The following FLT1 variants were observed in gnomAD, a reference collection of about 807,000 sequenced individuals.
FLT1 encodes fms related receptor tyrosine kinase 1, also known as vascular endothelial growth factor receptor 1.
FLT1 carries 49 observed loss-of-function variants against 156.3 expected under a neutral mutation model. The observed-to-expected ratio is 0.31, with a 90% confidence interval of 0.25 to 0.40. FLT1 has a LOEUF of 0.40. Among genes scored for constraint, FLT1 ranks in the 10% least tolerant of loss-of-function variants. FLT1 has a pLI of 1.00. For missense variants in FLT1, 1,322 were observed against 1,637.2 expected, an observed-to-expected ratio of 0.81 and a Z score of 3.32; for synonymous variants, 594 against 583.8, an observed-to-expected ratio of 1.02 and a Z score of -0.25.
intron 3 of FLT1, among the ~76,000 whole-genome samples, chr13:28,453,507 T>C (rs749162441): frequency 1.2e-4 from 18 of 152,216 alleles, no homozygotes; most frequent in Non-Finnish European, 2.2e-4. Context: ...TGAAGTCTTT[T>C]GCATGTGTGC....
chr13:28,421,534 C>G, intron 10 of FLT1, among the ~76,000 whole-genome samples: 1 of 151,298 alleles, frequency 6.6e-6, no homozygotes, highest in South Asian at 2.1e-4. Context: ...AGCTGCTGCA[C>G]TTTTTTTTTT....
chr13:28,329,915 T>C (rs775756608), intron 18 of FLT1, among the ~76,000 whole-genome samples, 187 bp from the exon 19 acceptor site: 6 of 152,240 alleles, frequency 3.9e-5, no homozygotes, highest in Non-Finnish European at 8.8e-5. Flanking sequence ...CAACATCCTT[T>C]TGATTACAGT....
chr13:28,428,475 GA>G (rs66872828), intron 8 of FLT1, among the ~76,000 whole-genome samples: 30,255 of 143,716 alleles, frequency 0.21, 3,516 homozygotes, highest in Non-Finnish European at 0.28. Flanking sequence ...TTAAGGCACA[GA>G]AAAAAAAAAA....
rs75529258 is a variant in FLT1 at position 28,352,285 on chromosome 13, G to A, written c.2248+5269C>T. Reference sequence around the variant, plus strand: ...TAACTGTACTTCCTTGTACCTGTAGGATTATTGCAAAACTTGAGTAGGATT... The same window carrying A: ...TAACTGTACTTCCTTGTACCTGTAGAATTATTGCAAAACTTGAGTAGGATT... On this transcript the variant is annotated intron_variant, in intron 15 of 29. Coordinates refer to ENST00000282397, the MANE Select transcript of FLT1 (RefSeq NM_002019.4). Among the ~76,000 whole-genome samples the A allele has an allele frequency of 7.7e-3, 1,167 of 152,224 alleles. 18 individuals are homozygous for A. Among genetic ancestry groups the A allele is most frequent in the African/African-American group, 0.026 (1,071 of 41,512 alleles).
At chr13:28,386,795 A>G (rs752056080) in intron 13 of FLT1, 24 of 1,053,374 alleles carry the variant, frequency 2.3e-5, no homozygotes, top group Non-Finnish European at 2.8e-5. Context: ...GTATCATATT[A>G]TTATTTAGTC....
At chr13:28,353,931 T>C (rs1332105073) in intron 15 of FLT1, among the ~76,000 whole-genome samples, 1 of 152,116 alleles carries the variant, frequency 6.6e-6, no homozygotes, top group Non-Finnish European at 1.5e-5. Context: ...TCAAAGGAAA[T>C]AAAAAGAGCA....
intron 24 of FLT1, among the ~76,000 whole-genome samples, chr13:28,318,591 C>T (rs369852582): frequency 2.6e-5 from 4 of 152,320 alleles, no homozygotes; most frequent in East Asian, 3.9e-4. Context: ...CATCGCAGGA[C>T]CACTGCAGCC....
chr13:28,386,846 A>C (rs1238644192), intron 13 of FLT1: 7 of 1,050,546 alleles, frequency 6.7e-6, no homozygotes, highest in Non-Finnish European at 3.4e-6. Flanking sequence ...ATCTCATTTA[A>C]AACTCAGACC....
chr13:28,405,588 T>C lies in FLT1; in HGVS notation c.1551+192A>G, dbSNP rs1875735751. Among the ~76,000 whole-genome samples the C allele has an allele frequency of 1.3e-5, 2 of 152,220 alleles. 1 individual carries two copies. Among genetic ancestry groups the C allele is most frequent in the Admixed American group, 1.3e-4 (2 of 15,282 alleles). ...CTCTACCATTAGGAATGAGTACTCA[T>C]TATGTTGGAACTGGTAGCTTGAGTA... is the stretch of plus-strand genomic sequence containing the variant. On this transcript the variant is annotated intron_variant, in intron 11 of 29. Coordinates refer to ENST00000282397, the MANE Select transcript of FLT1 (RefSeq NM_002019.4).
chr13:28,319,340 G>A (rs1351757673), intron 24 of FLT1, 83 bp downstream of exon 24: 15 of 902,992 alleles, frequency 1.7e-5, no homozygotes, highest in African/African-American at 1.5e-4. Flanking sequence ...CTAATCTAAA[G>A]GCTGTCTAAC....
At chr13:28,336,507 A>G (rs1405157457) in intron 17 of FLT1, among the ~76,000 whole-genome samples, 1 of 152,082 alleles carries the variant, frequency 6.6e-6, no homozygotes, top group Non-Finnish European at 1.5e-5. Flanking sequence ...GGATATTGGA[A>G]TCTCCTCCAA....
chr13:28,467,046 C>A lies in FLT1; in HGVS notation c.245G>T (p.Gly82Val). ...ERLSITKSAC[G>V]RNGKQFCSTL... ...ACTGCAGAATTGTTTGCCATTTCTT[C>A]CACAGGCAGATTTAGTTATGCTCAG... Residue 82 changes from glycine to valine, a missense_variant, in exon 3 of 30, where the codon GGA (glycine) becomes GTA (valine). Coordinates refer to ENST00000282397, the MANE Select transcript of FLT1 (RefSeq NM_002019.4). 6.2e-7 allele frequency: 1 copy of A among 1,614,158 alleles called. No individual in the cohort carries two copies. Among genetic ancestry groups the A allele is most frequent in the Non-Finnish European group, 8.5e-7 (1 of 1,179,988 alleles).
intron 1 of FLT1, 35 bp downstream of exon 1, chr13:28,494,745 C>A (rs763636078): frequency 1.4e-5 from 21 of 1,525,924 alleles, no homozygotes; most frequent in Non-Finnish European, 1.8e-5. Flanking sequence ...CCCATCGCAG[C>A]CCGCCTCAGG....
At chr13:28,467,657 T>C (rs677186) in intron 1 of FLT1, 40 bp from the exon 2 acceptor site, 91,879 of 1,112,012 alleles carry the variant, frequency 0.083, 7,048 homozygotes, top group African/African-American at 0.37. Flanking sequence ...TTGTAAATTG[T>C]CTTCTTACCT....
At chr13:28,328,313 G>C (rs1043062285) in intron 19 of FLT1, 2 of 152,162 alleles carry the variant, frequency 1.3e-5, no homozygotes, top group African/African-American at 4.8e-5. Context: ...ACCCGACCCC[G>C]GTCTGAAGGA....
chr13:28,306,210 G>A (rs1430254907), intron 29 of FLT1, among the ~76,000 whole-genome samples: 1 of 152,190 alleles, frequency 6.6e-6, no homozygotes, highest in African/African-American at 2.4e-5. Flanking sequence ...AGTGAGAAAA[G>A]GGTGCCAGGA....
chr13:28,344,951 A>G (rs1872510427), intron 16 of FLT1, among the ~76,000 whole-genome samples: 2 of 151,492 alleles, frequency 1.3e-5, no homozygotes, highest in Non-Finnish European at 1.5e-5. Context: ...ACAGGTGTGC[A>G]CCACCATACC....
chr13:28,353,445 C>T (rs567696063), intron 15 of FLT1, among the ~76,000 whole-genome samples: 77 of 151,788 alleles, frequency 5.1e-4, no homozygotes, highest in Admixed American at 1.1e-3. Flanking sequence ...TGGTGGCACA[C>T]GCCTGTAATC....
At chr13:28,311,954 C>T (rs762144429) in intron 26 of FLT1, 39 bp downstream of exon 26, 5 of 1,365,026 alleles carry the variant, frequency 3.7e-6, no homozygotes, top group Admixed American at 1.7e-5. Context: ...CCCTGACGTA[C>T]ATTCAAAGGC....
Sources: allele counts gnomAD v4.1 joint callset (sites outside exome capture counted in the v4.1 genomes callset), GRCh38; gene constraint gnomAD v4.1.1; transcripts MANE v1.5; gene names NCBI Gene and HGNC (gene_info 2026-07-23, HGNC 2026-07-21).